LDLRAD3: variants seen among roughly 807,000 people sequenced by gnomAD.
LDLRAD3 encodes the protein low-density lipoprotein receptor class A domain-containing protein 3.
LDLRAD3 carries 20 observed loss-of-function variants against 29.4 expected under a neutral mutation model. The ratio of observed to expected loss-of-function variants is 0.68; its 90% confidence interval spans 0.48 to 0.99. The LOEUF (loss-of-function observed/expected upper bound fraction) is 0.99. LDLRAD3 is among the 50% of genes least tolerant of loss of function. The probability of loss-of-function intolerance (pLI) is 0.00; values close to 1 mark genes in which losing one functional copy is unlikely to be tolerated. For synonymous variants in LDLRAD3, 157 were observed against 192.7 expected, an observed-to-expected ratio of 0.81 and a Z score of 1.53; for missense variants, 420 against 454.3, an observed-to-expected ratio of 0.92 and a Z score of 0.69.
intron 1 of LDLRAD3, among the ~76,000 whole-genome samples, chr11:35,970,996 G>C (rs1475275019): frequency 2.6e-5 from 4 of 151,974 alleles, no homozygotes; most frequent in Non-Finnish European, 4.4e-5. Flanking sequence ...TCTCTCCCTG[G>C]TGCTCAGCCA....
At chr11:36,117,773 G>T (rs1853695044) in intron 4 of LDLRAD3, among the ~76,000 whole-genome samples, 1 of 152,164 alleles carries the variant, frequency 6.6e-6, no homozygotes, top group Non-Finnish European at 1.5e-5. Flanking sequence ...CTTAAATGGT[G>T]GCTTCTCCGC....
At chr11:36,174,811 C>G (rs947265546) in intron 4 of LDLRAD3, among the ~76,000 whole-genome samples, 72 of 152,054 alleles carry the variant, frequency 4.7e-4, no homozygotes, top group African/African-American at 1.6e-3. Context: ...GAAACCCTGT[C>G]TCTACTAAAA....
chr11:36,075,682 C>T (rs1321316367), intron 2 of LDLRAD3, among the ~76,000 whole-genome samples: 1 of 152,184 alleles, frequency 6.6e-6, no homozygotes, highest in African/African-American at 2.4e-5. Flanking sequence ...TTTCCTGCAC[C>T]TCTTCTACAT....
chr11:36,203,253 C>A (rs1363962083), intron 4 of LDLRAD3, among the ~76,000 whole-genome samples: 1 of 152,126 alleles, frequency 6.6e-6, no homozygotes, highest in Non-Finnish European at 1.5e-5. Flanking sequence ...CAGGTGTGAG[C>A]CCCCGCGTCC....
chr11:36,116,323 TC>T (rs1853673697), intron 4 of LDLRAD3, among the ~76,000 whole-genome samples: 1 of 152,190 alleles, frequency 6.6e-6, no homozygotes, highest in Non-Finnish European at 1.5e-5. Flanking sequence ...GAAGCCAGCG[TC>T]CCAGCTTGGT....
At position 36,098,347 on chromosome 11, in the gene LDLRAD3, T is replaced by C. The variant is rs1554964705; in HGVS notation, c.340T>C (p.Ser114Pro). The change falls in exon 4 of 6, where the codon TCC (serine) becomes CCC (proline). Residue 114 changes from serine (S) to proline (P), a missense_variant. By Grantham distance (74) the Ser-to-Pro change is moderately conservative. Transcript: ENST00000315571. ...ENCTANPLLC[S>P]TARYHCKNGL... ...TGCAGCAGCAAACCCTCTGCTTTGC[T>C]CCACCGCCCGCTACCACTGCAAGAA... The C allele has an allele frequency of 6.2e-6, 10 of 1,614,124 alleles. No individual in the cohort carries two copies. The highest frequency in any genetic ancestry group is 1.7e-5 in the Admixed American group (1 of 60,020).
chr11:36,095,459 C>T (rs1051161988), intron 3 of LDLRAD3, among the ~76,000 whole-genome samples: 7 of 152,190 alleles, frequency 4.6e-5, no homozygotes, highest in African/African-American at 1.4e-4. Context: ...CCTCTTATGT[C>T]AATTGCCTGA....
At chr11:35,957,297 A>G (rs190582525) in intron 1 of LDLRAD3, among the ~76,000 whole-genome samples, 1 of 152,366 alleles carries the variant, frequency 6.6e-6, no homozygotes, top group East Asian at 1.9e-4. Flanking sequence ...ATCTACGAGT[A>G]CAAGAAGTCT....
At chr11:36,144,020 A>G (rs571123192) in intron 4 of LDLRAD3, among the ~76,000 whole-genome samples, 190 of 146,520 alleles carry the variant, frequency 1.3e-3, no homozygotes, top group African/African-American at 4.8e-3. Context: ...GCTCACTGCA[A>G]CCTCCCTGCC....
intron 4 of LDLRAD3, among the ~76,000 whole-genome samples, chr11:36,151,939 G>A (rs1274237438): frequency 1.3e-5 from 2 of 152,178 alleles, no homozygotes. Context: ...CAACACTTTA[G>A]CTGGATGACT....
intron 4 of LDLRAD3, among the ~76,000 whole-genome samples, chr11:36,184,953 AG>A (rs1854823776): frequency 6.6e-6 from 1 of 152,210 alleles, no homozygotes; most frequent in Non-Finnish European, 1.5e-5. Context: ...TGCCCTTGGA[AG>A]AAAATTTGCC....
intron 4 of LDLRAD3, among the ~76,000 whole-genome samples, chr11:36,152,358 AT>A (rs1441838551): frequency 6.6e-6 from 1 of 152,210 alleles, no homozygotes; most frequent in African/African-American, 2.4e-5. Context: ...CTTTCGTCTC[AT>A]TTTACAGATG....
intron 1 of LDLRAD3, among the ~76,000 whole-genome samples, chr11:36,023,948 G>A (rs772215653): frequency 7.2e-5 from 11 of 152,186 alleles, no homozygotes; most frequent in Non-Finnish European, 1.3e-4. Flanking sequence ...ATTGAGCTGA[G>A]GCCATCATGT....
At chr11:36,051,041 A>G (rs1165818119) in intron 2 of LDLRAD3, among the ~76,000 whole-genome samples, 1 of 152,172 alleles carries the variant, frequency 6.6e-6, no homozygotes, top group African/African-American at 2.4e-5. Flanking sequence ...CCTGCCTCCT[A>G]TTACCATCAG....
chr11:36,145,017 C>T (rs1206081277), intron 4 of LDLRAD3, among the ~76,000 whole-genome samples: 2 of 108,992 alleles, frequency 1.8e-5, no homozygotes, highest in African/African-American at 6.9e-5. Context: ...CCGCCCCGTC[C>T]GGGAGGTGAG....
intron 1 of LDLRAD3, among the ~76,000 whole-genome samples, chr11:35,953,495 T>C (rs1851163193): frequency 6.6e-6 from 1 of 152,212 alleles, no homozygotes; most frequent in African/African-American, 2.4e-5. Flanking sequence ...CCGAGTGAGT[T>C]TGGCTTAGCG....
intron 1 of LDLRAD3, among the ~76,000 whole-genome samples, chr11:35,956,279 G>A (rs1045766377): frequency 6.6e-6 from 1 of 152,164 alleles, no homozygotes; most frequent in African/African-American, 2.4e-5. Context: ...TTGAGGCCAG[G>A]AGTGGAGACC....
chr11:36,195,662 T>C (rs12274284), intron 4 of LDLRAD3, among the ~76,000 whole-genome samples: 2,253 of 152,286 alleles, frequency 0.015, 65 homozygotes, highest in African/African-American at 0.052. Flanking sequence ...TGCATCAGAC[T>C]TGTGCCTGTG....
intron 2 of LDLRAD3, among the ~76,000 whole-genome samples, chr11:36,059,276 G>A (rs1427254950): frequency 6.6e-6 from 1 of 151,342 alleles, no homozygotes; most frequent in Non-Finnish European, 1.5e-5. Context: ...GGGCACACTT[G>A]AGCATGAGAG....
Sources: gnomAD v4.1 joint callset for allele counts (sites outside exome capture counted in the v4.1 genomes callset) on GRCh38, gnomAD v4.1.1 for gene constraint, MANE v1.5 for transcripts, NCBI Gene and HGNC (gene_info 2026-07-23, HGNC 2026-07-21) for gene names.